ORC3: variants seen among roughly 807,000 people sequenced by gnomAD.
ORC3 encodes origin recognition complex subunit 3.
ORC3 carries 78 observed loss-of-function variants against 100.7 expected under a neutral mutation model. The ratio of observed to expected loss-of-function variants is 0.77; its 90% confidence interval spans 0.65 to 0.94. ORC3 has a LOEUF of 0.94. Among genes scored for constraint, ORC3 ranks in the 40% least tolerant of loss-of-function variants. The pLI, the probability that ORC3 is intolerant of heterozygous loss-of-function variation, is 0.00. For missense variants in ORC3, 789 were observed against 823.9 expected (o/e 0.96, Z 0.52); for synonymous variants, 295 against 289.3 (o/e 1.02, Z -0.20).
Position 87,667,354 on chromosome 6 carries a change from T to A in ORC3, c.*231T>A, listed in dbSNP as rs1030656893. The A allele has an allele frequency of 5.3e-6, 2 of 375,606 alleles. No homozygotes were observed. The highest frequency in any genetic ancestry group is 4.2e-5 in the African/African-American group (2 of 48,078). The allele number at this position is 375,606 out of a possible 1,614,324, so 23.3% of individuals were successfully genotyped here. ...AATGTAACTAAAACTGCTCACACAT[T>A]TTACTGTACTTTCCAAAGTCATTAC... On this transcript the variant is annotated 3_prime_UTR_variant, in exon 20 of 20. Transcript: ENST00000392844.
chr6:87,669,923 CTA>C (rs1770799040), downstream of ORC3, among the ~76,000 whole-genome samples: 1 of 152,164 alleles, frequency 6.6e-6, no homozygotes, highest in Non-Finnish European at 1.5e-5. Flanking sequence ...TGTTTAGAAA[CTA>C]TTACTTTGAA....
At chr6:87,676,225 G>A in the ORC3 span, among the ~76,000 whole-genome samples, 5 of 151,968 alleles carry the variant, frequency 3.3e-5, no homozygotes, top group African/African-American at 1.2e-4. Flanking sequence ...AGCACTCTGG[G>A]AGGCCGAGGC....
intron 11 of ORC3, among the ~76,000 whole-genome samples, chr6:87,633,998 T>C (rs1280254783): frequency 2.6e-5 from 4 of 152,140 alleles, no homozygotes; most frequent in Non-Finnish European, 5.9e-5. Context: ...CGAGTAGGGC[T>C]AGTTTTCGGT....
chr6:87,611,955 T>C, intron 7 of ORC3, 134 bp from the exon 8 acceptor site: 1 of 708,696 alleles, frequency 1.4e-6, no homozygotes, highest in Non-Finnish European at 2.2e-6. Flanking sequence ...AAAATTTTAG[T>C]GTTTGCAATG....
the ORC3 span, chr6:87,676,038 A>G: frequency 1.2e-6 from 1 of 869,522 alleles, no homozygotes; most frequent in African/African-American, 1.7e-5. Flanking sequence ...TGACAAAATC[A>G]CTTACATAAC....
At chr6:87,630,118 A>G (rs1562352552) in intron 11 of ORC3, among the ~76,000 whole-genome samples, 1 of 152,198 alleles carries the variant, frequency 6.6e-6, no homozygotes, top group Admixed American at 6.5e-5. Context: ...AAGACAAAAT[A>G]TGGTTGCTCT....
At chr6:87,614,053 C>T (rs947661072) in intron 8 of ORC3, among the ~76,000 whole-genome samples, 5 of 152,202 alleles carry the variant, frequency 3.3e-5, no homozygotes, top group Non-Finnish European at 5.9e-5. Context: ...TTCACACTGC[C>T]CTAGCAGAGG....
chr6:87,667,451 A>T lies in ORC3; in HGVS notation c.*328A>T, dbSNP rs564248929. On this transcript the variant is annotated 3_prime_UTR_variant, in exon 20 of 20. Transcript: ENST00000392844. ...TAAATTCCGTTATCCAGGAGTATAA[A>T]TTATTTGCAGTTGCTTTAGCAATCC... 5.0e-6 allele frequency: 1 copy of T among 198,114 alleles called. No homozygotes were observed. The highest frequency in any genetic ancestry group is 1.2e-4 in the East Asian group (1 of 8,082). 12.3% of individuals were successfully genotyped at this position (198,114 alleles called of 1,614,324 possible). A position where few individuals can be genotyped will look rare whatever the true frequency, so the allele number is the denominator to read the frequency against.
the ORC3 span, chr6:87,676,005 T>C: frequency 8.0e-7 from 1 of 1,249,764 alleles, no homozygotes; most frequent in Non-Finnish European, 1.2e-6. Context: ...AAACACAAAA[T>C]ATACAGTAAA....
intron 1 of ORC3, among the ~76,000 whole-genome samples, chr6:87,590,937 A>C (rs1039209880): frequency 6.6e-6 from 1 of 152,240 alleles, no homozygotes; most frequent in African/African-American, 2.4e-5. Context: ...CATGTTGGCT[A>C]CCTAGATGGC....
intron 2 of ORC3, among the ~76,000 whole-genome samples, chr6:87,600,139 T>C (rs1387138150): frequency 6.6e-6 from 1 of 152,190 alleles, no homozygotes. Context: ...TTAACTATGA[T>C]TAGGAGAGAA....
intron 16 of ORC3, among the ~76,000 whole-genome samples, chr6:87,661,416 A>T (rs180968890): frequency 3.9e-5 from 6 of 152,338 alleles, no homozygotes; most frequent in Admixed American, 1.3e-4. Context: ...ACTCTGGAGA[A>T]GGAGCAGCAC....
rs769004524 is a variant in ORC3, at chr6:87,607,753, G to A, written c.508G>A (p.Val170Ile). ...VDIKSKEEESVHVTQRKTHYS... is the reference protein window; with the variant it reads ...VDIKSKEEESIHVTQRKTHYS... ...TATAAAATCCAAAGAGGAGGAAAGT[G>A]TTCACGTCACCCAAAGAAAGACACA... The change falls in exon 6 of 20, where the codon GTT (valine) becomes ATT (isoleucine). Residue 170 changes from valine (V) to isoleucine (I), a missense_variant. Coordinates refer to ENST00000392844, the MANE Select transcript of ORC3 (RefSeq NM_012381.4). 185 of 1,612,292 alleles carry A rather than the reference G, an allele frequency of 1.1e-4. 4 individuals are homozygous for A. The South Asian group carries it at 1.9e-3, about 17-fold the overall frequency.
chr6:87,663,123 C>T lies in ORC3; in HGVS notation c.1812C>T (p.Asn604=), dbSNP rs1770331400. 3 of 1,611,844 alleles carry T rather than the reference C, an allele frequency of 1.9e-6. No individual in the cohort carries two copies. The highest frequency in any genetic ancestry group is 2.7e-5 in the African/African-American group (2 of 74,986). The change falls in exon 17 of 20, where the codon AAC becomes AAT. Residue 604 remains asparagine, a synonymous_variant. Transcript: ENST00000392844. ...APRIALHTAL[N]NPYYYLKNEA... ...GAATTGCCCTCCATACTGCACTCAA[C>T]AATCCTTACTATTATCTCAAGGTAA...
intron 11 of ORC3, among the ~76,000 whole-genome samples, chr6:87,627,856 G>A (rs536051009): frequency 6.2e-4 from 94 of 152,196 alleles, no homozygotes; most frequent in Admixed American, 3.2e-3. Flanking sequence ...GCCTCCCTAG[G>A]AGGAAGCATT....
intron 11 of ORC3, among the ~76,000 whole-genome samples, chr6:87,634,442 G>A (rs770714271): frequency 2.6e-5 from 4 of 152,184 alleles, no homozygotes; most frequent in African/African-American, 4.8e-5. Context: ...GTACCATTCT[G>A]TCTGGTGATC....
intron 15 of ORC3, 25 bp downstream of exon 15, chr6:87,657,007 G>T (rs768158438): frequency 6.9e-7 from 1 of 1,438,856 alleles, no homozygotes; most frequent in Non-Finnish European, 9.8e-7. Flanking sequence ...TTCCCTTCCA[G>T]CTGCATCCTG....
intron 13 of ORC3, among the ~76,000 whole-genome samples, chr6:87,639,533 G>A (rs1443096557): frequency 1.3e-5 from 2 of 152,150 alleles, no homozygotes; most frequent in Non-Finnish European, 2.9e-5. Flanking sequence ...GCAGCCTTCT[G>A]CAGCCTGGGG....
the ORC3 span, among the ~76,000 whole-genome samples, chr6:87,674,090 C>G: frequency 6.6e-6 from 1 of 151,968 alleles, no homozygotes; most frequent in Non-Finnish European, 1.5e-5. Context: ...CACCTGAGGT[C>G]AGGAGTTCGA....
Sources: allele counts gnomAD v4.1 joint callset (sites outside exome capture counted in the v4.1 genomes callset), GRCh38; gene constraint gnomAD v4.1.1; transcripts MANE v1.5; gene names NCBI Gene and HGNC (gene_info 2026-07-23, HGNC 2026-07-21).